The following LRRTM4 variants were observed in gnomAD, a reference collection of about 807,000 sequenced individuals.
LRRTM4 encodes leucine rich repeat transmembrane neuronal 4.
A neutral mutation model predicts 47.6 loss-of-function variants in LRRTM4; 25 were observed. The observed-to-expected ratio is 0.53, with a 90% CI of 0.38 to 0.73. LRRTM4 has a LOEUF of 0.73. Ranked by LOEUF, LRRTM4 falls within the 30% of genes least tolerant of loss-of-function variation. The pLI is 0.00. For synonymous variants in LRRTM4, 311 were observed against 269.5 expected (o/e 1.15, Z -1.51); for missense variants, 638 against 713.4 (o/e 0.89, Z 1.20).
intron 3 of LRRTM4, among the ~76,000 whole-genome samples, chr2:77,427,116 C>T (rs768619227): frequency 2.9e-4 from 44 of 151,838 alleles, no homozygotes; most frequent in Non-Finnish European, 5.4e-4. Context: ...GTAGCTGGGA[C>T]TACAGGTGCG....
At chr2:77,261,103 A>G (rs2104040327) in intron 3 of LRRTM4, among the ~76,000 whole-genome samples, 1 of 152,186 alleles carries the variant, frequency 6.6e-6, no homozygotes, top group East Asian at 1.9e-4. Flanking sequence ...TAGAGAAAGG[A>G]TTGAGCATAT....
chr2:76,911,735 G>T (rs1171324180), intron 3 of LRRTM4, among the ~76,000 whole-genome samples: 2 of 151,966 alleles, frequency 1.3e-5, no homozygotes, highest in Non-Finnish European at 2.9e-5. Context: ...CAGTAGAAAT[G>T]GAATAGGCCA....
At chr2:76,849,642 CT>C (rs1413053158) in intron 3 of LRRTM4, among the ~76,000 whole-genome samples, 1 of 152,048 alleles carries the variant, frequency 6.6e-6, no homozygotes, top group Non-Finnish European at 1.5e-5. Flanking sequence ...TCAACTGTCT[CT>C]ATCAAATTCT....
chr2:76,753,829 G>A (rs1246127822), intron 3 of LRRTM4, among the ~76,000 whole-genome samples: 2 of 152,092 alleles, frequency 1.3e-5, no homozygotes, highest in Non-Finnish European at 2.9e-5. Flanking sequence ...ATTGTGAAAG[G>A]CTTTTGAAGT....
At chr2:76,755,504 A>AACTT (rs1460590750) in intron 3 of LRRTM4, among the ~76,000 whole-genome samples, 6 of 152,274 alleles carry the variant, frequency 3.9e-5, no homozygotes, top group African/African-American at 1.4e-4. Context: ...AACTCTTAGA[A>AACTT]ACTTCTGCAA....
intron 3 of LRRTM4, among the ~76,000 whole-genome samples, chr2:76,805,208 C>A (rs1006852660): frequency 6.6e-6 from 1 of 151,962 alleles, no homozygotes; most frequent in Non-Finnish European, 1.5e-5. Flanking sequence ...TGAAATTCCA[C>A]TTGTGGGAAA....
chr2:76,881,342 A>G (rs1672923014), intron 3 of LRRTM4, among the ~76,000 whole-genome samples: 2 of 152,086 alleles, frequency 1.3e-5, no homozygotes, highest in South Asian at 2.1e-4. Context: ...CACATGGCCT[A>G]TCAAGGTTTT....
chr2:76,999,400 C>T lies in LRRTM4; in HGVS notation c.1552-250484G>A, dbSNP rs573989845. On this transcript the variant is annotated intron_variant, in intron 3 of 3. Coordinates refer to ENST00000409884, the MANE Select transcript of LRRTM4 (RefSeq NM_001134745.3). ...GACTCTCTAGGGGCCAATCGTAGAG[C>T]TGCAAAAAATGCTTAAATCCAGGAA... Among the ~76,000 whole-genome samples the T allele has an allele frequency of 2.0e-3, 295 of 151,042 alleles. 1 individual carries two copies. The highest frequency in any genetic ancestry group is 3.4e-3 in the Non-Finnish European group (232 of 67,846).
intron 3 of LRRTM4, among the ~76,000 whole-genome samples, chr2:77,295,926 G>A (rs1193654487): frequency 9.2e-5 from 14 of 152,070 alleles, no homozygotes; most frequent in Non-Finnish European, 1.5e-4. Flanking sequence ...GAATCTTAAG[G>A]GGGCCCAACT....
rs138970349 is a variant in LRRTM4, at chr2:77,446,321, T to C, written c.1551+71997A>G. On this transcript the variant is annotated intron_variant, in intron 3 of 3. Coordinates refer to ENST00000409884, the MANE Select transcript of LRRTM4 (RefSeq NM_001134745.3). ...TCTAGTCTCTTCCCACTAGAAGTGT[T>C]GCACATTCTTCCTGCTGAGGTGTAA... Among the ~76,000 whole-genome samples the C allele has an allele frequency of 2.8e-3, 423 of 152,102 alleles. 3 individuals carry two copies. The highest frequency in any genetic ancestry group is 9.2e-3 in the African/African-American group (381 of 41,534).
At chr2:76,896,955 G>T (rs1043328839) in intron 3 of LRRTM4, among the ~76,000 whole-genome samples, 1 of 151,540 alleles carries the variant, frequency 6.6e-6, no homozygotes, top group African/African-American at 2.4e-5. Flanking sequence ...AGGGAAATTA[G>T]AAGAAATCTG....
At chr2:77,430,626 C>A (rs1280745378) in intron 3 of LRRTM4, among the ~76,000 whole-genome samples, 1 of 147,660 alleles carries the variant, frequency 6.8e-6, no homozygotes, top group Non-Finnish European at 1.5e-5. Flanking sequence ...GAGGCTGAGG[C>A]AGGAGAATCA....
intron 3 of LRRTM4, among the ~76,000 whole-genome samples, chr2:76,751,930 A>G (rs900702975): frequency 6.6e-6 from 1 of 152,184 alleles, no homozygotes; most frequent in African/African-American, 2.4e-5. Flanking sequence ...AATTCAGCAA[A>G]TTATTTCCAA....
At chr2:77,407,491 A>G (rs1478005028) in intron 3 of LRRTM4, among the ~76,000 whole-genome samples, 1 of 150,082 alleles carries the variant, frequency 6.7e-6, no homozygotes, top group Admixed American at 6.7e-5. Context: ...TTTTTAGTTT[A>G]TATTTTTGGG....
chr2:77,092,238 A>T (rs1232495347), intron 3 of LRRTM4, among the ~76,000 whole-genome samples: 1 of 152,048 alleles, frequency 6.6e-6, no homozygotes, highest in East Asian at 1.9e-4. Context: ...CCGGCCTCCC[A>T]CATTATTCCT....
chr2:77,252,117 T>C (rs561319900), intron 3 of LRRTM4, among the ~76,000 whole-genome samples: 34 of 152,232 alleles, frequency 2.2e-4, no homozygotes, highest in Non-Finnish European at 3.4e-4. Context: ...CTCAAGACAA[T>C]AGTTGGCACC....
At chr2:76,974,167 T>TATATAC (rs1558771460) in intron 3 of LRRTM4, among the ~76,000 whole-genome samples, 8 of 111,832 alleles carry the variant, frequency 7.2e-5, no homozygotes, top group African/African-American at 3.7e-4. Flanking sequence ...TATATATATA[T>TATATAC]ACATACATAT....
chr2:77,500,955 A>T (rs550221089), intron 3 of LRRTM4, among the ~76,000 whole-genome samples: 1 of 151,582 alleles, frequency 6.6e-6, no homozygotes, highest in East Asian at 1.9e-4. Flanking sequence ...AGCTAGTATA[A>T]TATTTTTTGA....
chr2:76,900,590 CT>C (rs1673590616), intron 3 of LRRTM4, among the ~76,000 whole-genome samples: 1 of 152,070 alleles, frequency 6.6e-6, no homozygotes, highest in Non-Finnish European at 1.5e-5. Flanking sequence ...AAATGAATAA[CT>C]GCCCTCTACC....
Sources: gnomAD v4.1 joint callset for allele counts (sites outside exome capture counted in the v4.1 genomes callset) on GRCh38, gnomAD v4.1.1 for gene constraint, MANE v1.5 for transcripts, NCBI Gene and HGNC (gene_info 2026-07-23, HGNC 2026-07-21) for gene names.